The following RBFOX2 variants were observed in gnomAD, a reference collection of about 807,000 sequenced individuals.
The protein encoded by RBFOX2 is RNA binding fox-1 homolog 2.
Under a neutral mutation model 49.1 loss-of-function variants are expected in RBFOX2, and 10 were observed. The observed-to-expected ratio is 0.20, with a 90% CI of 0.13 to 0.35. RBFOX2 has a LOEUF of 0.35. Ranked by LOEUF, RBFOX2 falls within the 10% of genes least tolerant of loss-of-function variation. The pLI, the probability that RBFOX2 is intolerant of heterozygous loss-of-function variation, is 1.00. For synonymous variants in RBFOX2, 183 were observed against 187.4 expected, an observed-to-expected ratio of 0.98 and a Z score of 0.19; for missense variants, 323 against 486.9, an observed-to-expected ratio of 0.66 and a Z score of 3.17.
At chr22:35,832,050 A>C (rs1956903055) in intron 1 of RBFOX2, among the ~76,000 whole-genome samples, 2 of 152,234 alleles carry the variant, frequency 1.3e-5, no homozygotes, top group African/African-American at 4.8e-5. Context: ...ATTGCCAACA[A>C]CACTACATGT....
At chr22:35,961,611 CTCTT>C (rs770507712) in exon 1 of RBFOX2, 2 of 1,304,216 alleles carry the variant, frequency 1.5e-6, no homozygotes, top group South Asian at 1.2e-5. Context: ...ACATCACTCT[CTCTT>C]CCTTCCTGGA....
At chr22:35,976,401 G>A (rs1164579899) in intron 1 of RBFOX2, among the ~76,000 whole-genome samples, 1 of 151,374 alleles carries the variant, frequency 6.6e-6, no homozygotes, top group Non-Finnish European at 1.5e-5. Context: ...TCCAGTCACT[G>A]AGGAGAGATA....
chr22:35,888,649 T>G (rs571950161), intron 1 of RBFOX2, among the ~76,000 whole-genome samples: 1 of 152,092 alleles, frequency 6.6e-6, no homozygotes. Context: ...GGAAGAGGGG[T>G]TGAAGTCAGC....
intron 1 of RBFOX2, among the ~76,000 whole-genome samples, chr22:36,017,390 G>C (rs2059079012): frequency 6.6e-6 from 1 of 152,072 alleles, no homozygotes; most frequent in East Asian, 1.9e-4. Flanking sequence ...AGCTAGGCTT[G>C]GTGGTGGGTG....
intron 6 of RBFOX2, among the ~76,000 whole-genome samples, chr22:35,764,054 T>C (rs1315168305): frequency 1.3e-5 from 2 of 152,134 alleles, no homozygotes; most frequent in Admixed American, 1.3e-4. Flanking sequence ...CTTGTTTTTG[T>C]AAGAGCAGTG....
At chr22:35,876,701 A>C (rs1348296838) in intron 1 of RBFOX2, among the ~76,000 whole-genome samples, 5 of 140,554 alleles carry the variant, frequency 3.6e-5, no homozygotes, top group South Asian at 2.3e-4. Context: ...CATTAAAAGA[A>C]ACACACACAC....
chr22:35,919,783 C>T lies in RBFOX2; in HGVS notation c.-34+19064G>A, dbSNP rs754399556. ...TTTTAATGAGGGAACTTTGATTCTT[C>T]TAGCCATCCCTTGTTTCCAAATGCC... On this transcript the variant is annotated intron_variant, in intron 1 of 13. Coordinates refer to the RBFOX2 transcript ENST00000359369. 2.0e-5 allele frequency among the ~76,000 whole-genome samples: 3 copies of T among 152,340 alleles called. No individual in the cohort carries two copies. The South Asian group carries it at 6.2e-4, about 32-fold the overall frequency.
chr22:36,009,919 T>C (rs917403158), intron 1 of RBFOX2, among the ~76,000 whole-genome samples: 2 of 152,184 alleles, frequency 1.3e-5, no homozygotes, highest in Admixed American at 1.3e-4. Flanking sequence ...GAAAATACCA[T>C]TTCCACTCCT....
intron 1 of RBFOX2, among the ~76,000 whole-genome samples, chr22:35,985,038 G>C (rs943873301): frequency 2.0e-5 from 3 of 152,180 alleles, no homozygotes; most frequent in Non-Finnish European, 4.4e-5. Flanking sequence ...ATGATGCGAA[G>C]AAAAGATGAC....
intron 1 of RBFOX2, among the ~76,000 whole-genome samples, chr22:36,001,983 G>C (rs1180032422): frequency 6.6e-6 from 1 of 152,128 alleles, no homozygotes; most frequent in Middle Eastern, 3.2e-3. Context: ...AGAATTGCTT[G>C]AACCTGGGAG....
At chr22:35,903,954 A>C (rs1033213713) in intron 1 of RBFOX2, among the ~76,000 whole-genome samples, 17 of 149,232 alleles carry the variant, frequency 1.1e-4, no homozygotes, top group African/African-American at 3.5e-4. Flanking sequence ...TTTTCTTTCC[A>C]AACTCCTTAT....
In RBFOX2 at chr22:35,894,978, TA is replaced by T. The variant is rs397936423; in HGVS notation, c.-34+43868del. 4.8e-3 allele frequency among the ~76,000 whole-genome samples: 654 copies of T among 135,468 alleles called. 1 individual carries two copies. The highest frequency in any genetic ancestry group is 0.013 in the African/African-American group (456 of 36,336). The allele number at this position is 135,468 out of a possible 152,430, so 88.9% of individuals were successfully genotyped here. A position where few individuals can be genotyped will look rare whatever the true frequency, so the allele number is the denominator to read the frequency against. ...CAAAATCACTTGAGTTAAAAAATCC[TA>T]AAAAAAAAAAAAAGAAAAGACTGGT... On this transcript the variant is annotated intron_variant, in intron 1 of 13. Coordinates refer to the RBFOX2 transcript ENST00000359369.
At chr22:35,917,669 G>A (rs1402988060) in intron 1 of RBFOX2, among the ~76,000 whole-genome samples, 1 of 152,012 alleles carries the variant, frequency 6.6e-6, no homozygotes, top group Admixed American at 6.6e-5. Flanking sequence ...TGCACTGCAC[G>A]GGAGGCTGGG....
At chr22:35,951,640 A>T (rs1234730967) in intron 1 of RBFOX2, among the ~76,000 whole-genome samples, 1 of 152,162 alleles carries the variant, frequency 6.6e-6, no homozygotes, top group East Asian at 1.9e-4. Context: ...CTGAAAAAAA[A>T]TGCTGACAGC....
At chr22:36,020,832 G>C (rs1485321663) in intron 1 of RBFOX2, among the ~76,000 whole-genome samples, 1 of 152,226 alleles carries the variant, frequency 6.6e-6, no homozygotes, top group Non-Finnish European at 1.5e-5. Context: ...GTGGAAGACA[G>C]TGTGGCGATT....
At chr22:35,954,311 A>G (rs1170726770) in intron 1 of RBFOX2, among the ~76,000 whole-genome samples, 1 of 152,228 alleles carries the variant, frequency 6.6e-6, no homozygotes, top group African/African-American at 2.4e-5. Context: ...AACAATATAC[A>G]TAAAGCTCTT....
exon 1 of RBFOX2, chr22:36,028,286 C>A: frequency 6.5e-7 from 1 of 1,533,662 alleles, no homozygotes; most frequent in African/African-American, 1.4e-5. Flanking sequence ...AGTGCGCGGC[C>A]GCTTGCTCAG....
At chr22:35,800,688 A>G (rs548529872) in intron 2 of RBFOX2, among the ~76,000 whole-genome samples, 8 of 149,474 alleles carry the variant, frequency 5.4e-5, no homozygotes, top group African/African-American at 2.0e-4. Context: ...CCATAATACA[A>G]TTGTACCTAG....
chr22:35,879,434 T>G (rs2045584536), intron 1 of RBFOX2, among the ~76,000 whole-genome samples: 1 of 152,214 alleles, frequency 6.6e-6, no homozygotes, highest in African/African-American at 2.4e-5. Flanking sequence ...ATGTGTAGGT[T>G]ATATGCAAAT....
Sources: gnomAD v4.1 joint callset for allele counts (sites outside exome capture counted in the v4.1 genomes callset) on GRCh38, gnomAD v4.1.1 for gene constraint, MANE v1.5 for transcripts, NCBI Gene and HGNC (gene_info 2026-07-23, HGNC 2026-07-21) for gene names.